CARM1: variants seen among roughly 807,000 people sequenced by gnomAD.
CARM1 encodes histone-arginine methyltransferase CARM1.
A neutral mutation model predicts 72.7 loss-of-function variants in CARM1; 14 were observed. That is an observed-to-expected ratio of 0.19 (90% CI 0.13 to 0.30). CARM1 has a LOEUF of 0.30. Among genes scored for constraint, CARM1 ranks in the 10% least tolerant of loss-of-function variants. The pLI, the probability that CARM1 is intolerant of heterozygous loss-of-function variation, is 1.00. For synonymous variants in CARM1, 333 were observed against 345.5 expected (o/e 0.96, Z 0.40); for missense variants, 432 against 833.7 (o/e 0.52, Z 5.93).
At chr19:10,888,072 C>A (rs763073352) in intron 1 of CARM1, among the ~76,000 whole-genome samples, 10 of 152,230 alleles carry the variant, frequency 6.6e-5, no homozygotes, top group Non-Finnish European at 1.3e-4. Flanking sequence ...CCCGACCTTC[C>A]AGGCCACTGT....
intron 3 of CARM1, 50 bp from the exon 4 acceptor site, chr19:10,909,053 C>T: frequency 1.4e-6 from 2 of 1,431,300 alleles, no homozygotes; most frequent in Non-Finnish European, 2.0e-6. Context: ...AGGGCCTTGG[C>T]TGCCTCGTGC....
intron 1 of CARM1, among the ~76,000 whole-genome samples, chr19:10,881,445 G>A (rs972810328): frequency 5.3e-5 from 8 of 152,178 alleles, no homozygotes; most frequent in South Asian, 2.1e-4. Context: ...GGCTCTCTGC[G>A]CAGGGCCAGG....
At position 10,916,780 on chromosome 19, in the gene CARM1, G is replaced by A; in HGVS notation, c.1020+3G>A. Reference sequence around the variant, plus strand: ...AGTATTTCCGGCAGCCTGTGGTGGTGAGTAGGGCCTCCAGGGTACTGCTGC... The same window carrying A: ...AGTATTTCCGGCAGCCTGTGGTGGTAAGTAGGGCCTCCAGGGTACTGCTGC... On this transcript the variant is annotated splice_donor_region_variant and intron_variant, in intron 8 of 15. Transcript: ENST00000327064. The surrounding 1 kb of genome is among the most constrained non-coding windows in gnomAD (Gnocchi z 4.4). The A allele has an allele frequency of 1.9e-6, 3 of 1,546,914 alleles. No individual in the cohort carries two copies. Among genetic ancestry groups the A allele is most frequent in the Non-Finnish European group, 1.7e-6 (2 of 1,143,308 alleles).
intron 1 of CARM1, among the ~76,000 whole-genome samples, chr19:10,897,707 G>A (rs2074034167): frequency 6.6e-6 from 1 of 152,132 alleles, no homozygotes. Context: ...CTAGCTCTGG[G>A]CCGGGCACGG....
chr19:10,878,826 A>G (rs992705189), intron 1 of CARM1, among the ~76,000 whole-genome samples: 1 of 141,066 alleles, frequency 7.1e-6, no homozygotes, highest in Non-Finnish European at 1.5e-5. Flanking sequence ...TTTTTTTGAG[A>G]TGGTGTCTCG....
rs144149822 is a variant in CARM1, at chr19:10,897,585, A to G, written c.221-7366A>G. ...CAGCGAGTAGCCCCAGGCTGGGTCCAGGGGTGGCCAAAGCGTAACACTCAG... is the reference window on the plus strand; with the variant it reads ...CAGCGAGTAGCCCCAGGCTGGGTCCGGGGGTGGCCAAAGCGTAACACTCAG... On this transcript the variant is annotated intron_variant, in intron 1 of 15. Coordinates refer to ENST00000327064, the MANE Select transcript of CARM1 (RefSeq NM_199141.2). Among the ~76,000 whole-genome samples the G allele has an allele frequency of 9.8e-5, 15 of 152,346 alleles. No individual in the cohort carries two copies. In the East Asian group the frequency reaches 2.3e-3, roughly 23 times the overall value.
chr19:10,907,600 C>T (rs2074114637), intron 2 of CARM1, among the ~76,000 whole-genome samples: 1 of 152,174 alleles, frequency 6.6e-6, no homozygotes, highest in African/African-American at 2.4e-5. Context: ...CTGTGCTTTT[C>T]TGTGCCCCTG....
chr19:10,888,639 C>T (rs1227880580), intron 1 of CARM1, among the ~76,000 whole-genome samples: 2 of 152,178 alleles, frequency 1.3e-5, no homozygotes, highest in African/African-American at 2.4e-5. Context: ...ACCGCGCCCC[C>T]ACCCCCTACC....
intron 2 of CARM1, 56 bp downstream of exon 2, chr19:10,905,132 G>T: frequency 6.3e-7 from 1 of 1,595,990 alleles, no homozygotes; most frequent in Non-Finnish European, 8.5e-7. Context: ...CAGAGCCCTG[G>T]TGGGCAGGGG....
At chr19:10,894,144 A>G (rs1390073964) in intron 1 of CARM1, among the ~76,000 whole-genome samples, 6 of 152,138 alleles carry the variant, frequency 3.9e-5, no homozygotes, top group South Asian at 2.1e-4. Context: ...CCTGGTCCGC[A>G]TGCATCAGCT....
chr19:10,913,853 C>T lies in CARM1; in HGVS notation c.670-24C>T, dbSNP rs772026344. On this transcript the variant is annotated intron_variant, in intron 5 of 15. Coordinates refer to ENST00000327064, the MANE Select transcript of CARM1 (RefSeq NM_199141.2). The stretch of plus-strand genomic sequence containing the variant: ...CCATGGCAGGAAGACGCAGGGAAGC[C>T]CACATGGCCCTGCCCGCCTGCAGGT... 3.7e-6 allele frequency: 6 copies of T among 1,604,148 alleles called. No homozygotes were observed. The East Asian group carries it at 1.3e-4, about 36-fold the overall frequency.
intron 1 of CARM1, among the ~76,000 whole-genome samples, chr19:10,885,888 ATTTT>A (rs766173367): frequency 3.8e-5 from 3 of 78,778 alleles, no homozygotes; most frequent in Admixed American, 2.5e-4. Context: ...TCACTCCCTC[ATTTT>A]TTTTTTTTTT....
In CARM1 at chr19:10,912,148, C is replaced by T; in HGVS notation, c.559-36C>T. The T allele has an allele frequency of 1.3e-6, 2 of 1,508,150 alleles. No individual in the cohort carries two copies. Among genetic ancestry groups the T allele is most frequent in the Non-Finnish European group, 1.8e-6 (2 of 1,083,138 alleles). The allele number at this position is 1,508,150 out of a possible 1,614,324, so 93.4% of individuals were successfully genotyped here. ...TGTCACCTCCCCATCACCGTCGCCT[C>T]CTATGTCTCGCTCTCACCTCCCACT... On this transcript the variant is annotated intron_variant, in intron 4 of 15. Transcript: ENST00000327064. This position sits in a 1 kb window ranked among gnomAD's most constrained non-coding sequence, Gnocchi z 4.5.
intron 1 of CARM1, among the ~76,000 whole-genome samples, chr19:10,874,513 C>T (rs1440492709): frequency 2.0e-5 from 3 of 152,034 alleles, no homozygotes; most frequent in African/African-American, 7.2e-5. Flanking sequence ...ATACCTCAGC[C>T]TCCCTAGTAG....
intron 1 of CARM1, among the ~76,000 whole-genome samples, chr19:10,887,728 C>T (rs2073951921): frequency 6.6e-6 from 1 of 152,224 alleles, no homozygotes; most frequent in African/African-American, 2.4e-5. Context: ...CAGGCATGTG[C>T]CAGCATGCTC....
At chr19:10,907,898 T>C in intron 2 of CARM1, 141 bp from the exon 3 acceptor site, 1 of 598,702 alleles carries the variant, frequency 1.7e-6, no homozygotes, top group South Asian at 1.9e-5. Context: ...TTGAAAATTG[T>C]TTTTCGGGGA....
At chr19:10,902,607 A>G (rs1456262720) in intron 1 of CARM1, among the ~76,000 whole-genome samples, 1 of 133,976 alleles carries the variant, frequency 7.5e-6, no homozygotes, top group East Asian at 2.5e-4. Flanking sequence ...CTGTGCCCAG[A>G]CTTTTTTTTT....
In CARM1 at chr19:10,912,591, G is replaced by GTGC. The variant is rs541101732; in HGVS notation, c.669+299_669+301dup. 5.6e-4 allele frequency among the ~76,000 whole-genome samples: 85 copies of GTGC among 151,344 alleles called. 1 individual carries two copies. The South Asian group carries it at 0.017, about 30-fold the overall frequency. On this transcript the variant is annotated intron_variant, in intron 5 of 15. Transcript: ENST00000327064. This position sits in a 1 kb window ranked among gnomAD's most constrained non-coding sequence, Gnocchi z 4.5. ...TAAAAGCTAAAAAAGAGCAGACAGC[G>GTGC]TGCTCTCCTTCCCCACCCCAGCTCC...
intron 2 of CARM1, among the ~76,000 whole-genome samples, chr19:10,906,439 TG>T (rs1371822261): frequency 1.3e-5 from 2 of 152,230 alleles, no homozygotes; most frequent in African/African-American, 4.8e-5. Context: ...CTCCAGAACT[TG>T]CTCATCCCGA....
Sources: gnomAD v4.1 joint callset for allele counts (sites outside exome capture counted in the v4.1 genomes callset) on GRCh38, gnomAD v4.1.1 for gene constraint, Gnocchi (gnomAD v3.1) non-coding constraint, MANE v1.5 for transcripts, NCBI Gene and HGNC (gene_info 2026-07-23, HGNC 2026-07-21) for gene names.